PTPRQ: variants seen among roughly 807,000 people sequenced by gnomAD.
PTPRQ encodes the protein protein tyrosine phosphatase receptor type Q, also known as phosphatidylinositol phosphatase PTPRQ.
Under a neutral mutation model 246.0 loss-of-function variants are expected in PTPRQ, and 199 were observed. That is an observed-to-expected ratio of 0.81 (90% CI 0.72 to 0.91). PTPRQ has a LOEUF of 0.91. Ranked by LOEUF, PTPRQ falls within the 40% of genes least tolerant of loss-of-function variation. The probability of loss-of-function intolerance (pLI) is 0.00; values close to 1 mark genes in which losing one functional copy is unlikely to be tolerated. For synonymous variants in PTPRQ, 869 were observed against 853.2 expected, an observed-to-expected ratio of 1.02 and a Z score of -0.32; for missense variants, 2,624 against 2,528.4, an observed-to-expected ratio of 1.04 and a Z score of -0.81.
At chr12:80,649,529 G>A in intron 36 of PTPRQ, 59 bp from the exon 37 acceptor site, 2 of 1,523,736 alleles carry the variant, frequency 1.3e-6, no homozygotes, top group Non-Finnish European at 1.8e-6. Context: ...CAGTGCCAAT[G>A]CTAACGCGAA....
chr12:80,590,964 T>A (rs1361851078), intron 26 of PTPRQ, among the ~76,000 whole-genome samples: 1 of 152,102 alleles, frequency 6.6e-6, no homozygotes, highest in Non-Finnish European at 1.5e-5. Context: ...CGTAGATCTT[T>A]ACTTAAATGA....
intron 17 of PTPRQ, among the ~76,000 whole-genome samples, chr12:80,511,267 C>T (rs892006524): frequency 2.6e-5 from 4 of 152,088 alleles, no homozygotes; most frequent in African/African-American, 4.8e-5. Flanking sequence ...TCCCCTTTAA[C>T]CCCTTTACAT....
intron 25 of PTPRQ, among the ~76,000 whole-genome samples, chr12:80,560,124 T>C (rs964640483): frequency 3.9e-5 from 6 of 152,180 alleles, no homozygotes; most frequent in African/African-American, 1.4e-4. Flanking sequence ...AGAGTGCCAC[T>C]GGGATGTGGC....
chr12:80,607,382 A>G (rs578250638), intron 27 of PTPRQ, among the ~76,000 whole-genome samples: 22 of 150,846 alleles, frequency 1.5e-4, no homozygotes, highest in Admixed American at 1.3e-3. Context: ...TTCAGATAGA[A>G]CCTAGTAATT....
chr12:80,607,203 A>C (rs1415694430), intron 27 of PTPRQ, among the ~76,000 whole-genome samples: 1 of 151,024 alleles, frequency 6.6e-6, no homozygotes, highest in Non-Finnish European at 1.5e-5. Flanking sequence ...AAGAAATCTA[A>C]GGAACAGAGA....
At chr12:80,461,252 A>C (rs7979859) in intron 6 of PTPRQ, among the ~76,000 whole-genome samples, 44,537 of 152,024 alleles carry the variant, frequency 0.29, 6,901 homozygotes, top group African/African-American at 0.36. Context: ...TATTGCCATC[A>C]TCAAAAGCAG....
intron 26 of PTPRQ, among the ~76,000 whole-genome samples, chr12:80,599,107 C>G (rs1406855890): frequency 6.6e-6 from 1 of 151,922 alleles, no homozygotes; most frequent in Non-Finnish European, 1.5e-5. Flanking sequence ...TTTGAGCTAA[C>G]ACACTCAGCA....
chr12:80,463,654 C>T (rs1259121220), intron 6 of PTPRQ, among the ~76,000 whole-genome samples: 1 of 151,910 alleles, frequency 6.6e-6, no homozygotes, highest in African/African-American at 2.4e-5. Flanking sequence ...GCCCATCAGA[C>T]TAACAGTGGA....
intron 25 of PTPRQ, chr12:80,561,105 C>T (rs1245335510): frequency 2.0e-5 from 3 of 152,228 alleles, no homozygotes; most frequent in Non-Finnish European, 2.9e-5. Context: ...GCTAGTTTGA[C>T]GTTGAGAATT....
chr12:80,655,030 CATT>C (rs2121240391), intron 38 of PTPRQ, among the ~76,000 whole-genome samples: 1 of 152,100 alleles, frequency 6.6e-6, no homozygotes, highest in East Asian at 1.9e-4. Context: ...GATTTCAGTG[CATT>C]ATTATCTGGG....
intron 17 of PTPRQ, among the ~76,000 whole-genome samples, chr12:80,513,632 C>A (rs925860807): frequency 3.9e-5 from 6 of 152,020 alleles, no homozygotes; most frequent in Non-Finnish European, 7.4e-5. Context: ...GGGTGTGGGG[C>A]GCTAGGCAGA....
intron 6 of PTPRQ, among the ~76,000 whole-genome samples, chr12:80,463,610 C>T (rs1592535532): frequency 6.6e-6 from 1 of 151,912 alleles, no homozygotes; most frequent in Admixed American, 6.6e-5. Context: ...TTAAGGGCAG[C>T]CAGAGAGAAA....
chr12:80,616,298 C>A (rs1233565652), intron 30 of PTPRQ, 32 bp downstream of exon 30: 5 of 1,439,690 alleles, frequency 3.5e-6, no homozygotes, highest in Admixed American at 2.7e-5. Context: ...CTATGAAATG[C>A]TATTAATCAG....
chr12:80,670,573 G>GAAGTTCTATGGGTT, intron 42 of PTPRQ, 81 bp downstream of exon 42: 1 of 1,395,448 alleles, frequency 7.2e-7, no homozygotes, highest in Non-Finnish European at 9.3e-7. Context: ...TTTATAAAAT[G>GAAGTTCTATGGGTT]TTCATGTAAA....
At chr12:80,460,592 ATTC>A (rs1372182829) in intron 5 of PTPRQ, 58 bp from the exon 6 acceptor site, 4 of 397,934 alleles carry the variant, frequency 1.0e-5, no homozygotes, top group African/African-American at 8.2e-5. Context: ...ACATGTTCTT[ATTC>A]TTATGTTCAC....
chr12:80,669,583 C>G, intron 41 of PTPRQ, 119 bp downstream of exon 41: 1 of 1,341,238 alleles, frequency 7.5e-7, no homozygotes, highest in Non-Finnish European at 9.8e-7. Context: ...TTCAACAATG[C>G]TTTTGTATTG....
At chr12:80,564,989 C>A (rs375295013) in intron 25 of PTPRQ, among the ~76,000 whole-genome samples, 3 of 151,252 alleles carry the variant, frequency 2.0e-5, no homozygotes, top group East Asian at 1.9e-4. Context: ...ATTTAAAATT[C>A]AAAAAAAACT....
intron 17 of PTPRQ, among the ~76,000 whole-genome samples, chr12:80,530,450 T>C (rs571626286): frequency 4.6e-5 from 7 of 152,288 alleles, no homozygotes; most frequent in African/African-American, 1.4e-4. Flanking sequence ...TGAATATTGA[T>C]TTTGTACATA....
At chr12:80,668,627 A>G (rs556536078) in intron 39 of PTPRQ, among the ~76,000 whole-genome samples, 1 of 151,934 alleles carries the variant, frequency 6.6e-6, no homozygotes, top group Non-Finnish European at 1.5e-5. Context: ...CTTCATCTAT[A>G]AAATGAGCAT....
Sources: allele counts gnomAD v4.1 joint callset (sites outside exome capture counted in the v4.1 genomes callset), GRCh38; gene constraint gnomAD v4.1.1; transcripts MANE v1.5; gene names NCBI Gene and HGNC (gene_info 2026-07-23, HGNC 2026-07-21).